The following ADARB2 variants were observed in gnomAD, a reference collection of about 807,000 sequenced individuals.
The protein encoded by ADARB2 is adenosine deaminase RNA specific B2 (inactive).
ADARB2 carries 25 observed loss-of-function variants against 62.2 expected under a neutral mutation model. That is an observed-to-expected ratio of 0.40 (90% confidence interval 0.29 to 0.56). The LOEUF is 0.56. Ranked by LOEUF, ADARB2 falls within the 20% of genes least tolerant of loss-of-function variation. The probability of loss-of-function intolerance (pLI) is 0.43; values close to 1 mark genes in which losing one functional copy is unlikely to be tolerated. For synonymous variants in ADARB2, 572 were observed against 500.8 expected, an observed-to-expected ratio of 1.14 and a Z score of -1.90; for missense variants, 1,071 against 1,077.4, an observed-to-expected ratio of 0.99 and a Z score of 0.08.
At chr10:1,562,771 A>G (rs542749667) in intron 1 of ADARB2, among the ~76,000 whole-genome samples, 4 of 152,344 alleles carry the variant, frequency 2.6e-5, no homozygotes, top group African/African-American at 9.6e-5. Context: ...CACGTTCTTC[A>G]GTAGGACAGC....
intron 3 of ADARB2, among the ~76,000 whole-genome samples, chr10:1,284,868 T>G (rs1209928747): frequency 6.6e-6 from 1 of 152,072 alleles, no homozygotes; most frequent in Non-Finnish European, 1.5e-5. Flanking sequence ...AGGTGGGCCT[T>G]AGAGACCCTC....
chr10:1,391,271 C>G (rs1588241922), intron 1 of ADARB2, among the ~76,000 whole-genome samples: 2 of 152,226 alleles, frequency 1.3e-5, no homozygotes, highest in East Asian at 3.9e-4. Flanking sequence ...GACTGTGACC[C>G]CCCCATAGTG....
chr10:1,461,877 C>T (rs1831178635), intron 1 of ADARB2, among the ~76,000 whole-genome samples: 1 of 152,030 alleles, frequency 6.6e-6, no homozygotes, highest in Admixed American at 6.6e-5. Flanking sequence ...TGGCATGCAC[C>T]TGTGATTTCA....
At chr10:1,557,081 C>T (rs1000583948) in intron 1 of ADARB2, 6 of 350,554 alleles carry the variant, frequency 1.7e-5, no homozygotes, top group Non-Finnish European at 2.8e-5. Context: ...ATCCCACTGT[C>T]CGAGGGTACC....
At chr10:1,562,689 A>T (rs967423110) in intron 1 of ADARB2, among the ~76,000 whole-genome samples, 1 of 152,208 alleles carries the variant, frequency 6.6e-6, no homozygotes, top group Non-Finnish European at 1.5e-5. Flanking sequence ...ATTGGGCTAG[A>T]CCTGAATTCA....
At chr10:1,561,616 G>T (rs1456354103) in intron 1 of ADARB2, among the ~76,000 whole-genome samples, 4 of 152,108 alleles carry the variant, frequency 2.6e-5, no homozygotes, top group African/African-American at 9.7e-5. Flanking sequence ...GCCGGAACCT[G>T]CCAGTCCACC....
chr10:1,431,731 A>G (rs1258485125), intron 1 of ADARB2, among the ~76,000 whole-genome samples: 1 of 152,214 alleles, frequency 6.6e-6, no homozygotes, highest in African/African-American at 2.4e-5. Flanking sequence ...ATACACAAAG[A>G]GAGAAATACA....
chr10:1,307,690 A>T (rs1483513439), intron 3 of ADARB2, among the ~76,000 whole-genome samples: 1 of 96,956 alleles, frequency 1.0e-5, no homozygotes, highest in Non-Finnish European at 2.0e-5. Flanking sequence ...CAAATGTCCA[A>T]TAATGATAGA....
chr10:1,643,411 G>A (rs1269201942), intron 1 of ADARB2, among the ~76,000 whole-genome samples: 1 of 152,176 alleles, frequency 6.6e-6, no homozygotes. Flanking sequence ...TACACTTGAC[G>A]TGTTACATTT....
chr10:1,407,391 C>T (rs1002443470), intron 1 of ADARB2, among the ~76,000 whole-genome samples: 6 of 152,206 alleles, frequency 3.9e-5, no homozygotes, highest in East Asian at 3.9e-4. Flanking sequence ...GAGGGTACAA[C>T]GGCCGGGGTG....
At chr10:1,463,003 T>G in intron 1 of ADARB2, among the ~76,000 whole-genome samples, 1 of 150,240 alleles carries the variant, frequency 6.7e-6, no homozygotes. Context: ...GGAAAGTACG[T>G]TTCTGGGGTT....
rs1219909213 is a variant in ADARB2, at chr10:1,568,314, GA to G, written c.100+168736del. ...CGCTCAGCGGGGAGGCGGAGGGAAG[GA>G]AGGGCTCCTGCACCAGCAGCACAGA... On this transcript the variant is annotated intron_variant, in intron 1 of 9. Transcript: ENST00000381312. Among the ~76,000 whole-genome samples the G allele has an allele frequency of 2.6e-5, 4 of 152,140 alleles. No homozygotes were observed. In the East Asian group the frequency reaches 7.7e-4, roughly 29 times the overall value.
At chr10:1,222,583 A>G (rs867152001) in intron 6 of ADARB2, among the ~76,000 whole-genome samples, 3 of 148,868 alleles carry the variant, frequency 2.0e-5, no homozygotes, top group East Asian at 1.9e-4. Context: ...ATCTTGAATT[A>G]ATTTTTGTAT....
chr10:1,300,050 C>T (rs1445032341), intron 3 of ADARB2, among the ~76,000 whole-genome samples: 1 of 152,166 alleles, frequency 6.6e-6, no homozygotes, highest in Non-Finnish European at 1.5e-5. Flanking sequence ...TGGCCGTACC[C>T]ACCACACTTG....
At chr10:1,347,963 CAGACAGAGACGG>C (rs904212847) in intron 3 of ADARB2, among the ~76,000 whole-genome samples, 8 of 151,618 alleles carry the variant, frequency 5.3e-5, no homozygotes, top group African/African-American at 1.9e-4. Context: ...TGGAGAGAGA[CAGACAGAGACGG>C]AGACAGAGAG....
intron 3 of ADARB2, among the ~76,000 whole-genome samples, chr10:1,287,557 A>G (rs141516194): frequency 4.6e-5 from 7 of 152,106 alleles, no homozygotes; most frequent in African/African-American, 1.2e-4. Flanking sequence ...TCTCCTCTCC[A>G]TTTCCGTGAG....
intron 1 of ADARB2, among the ~76,000 whole-genome samples, chr10:1,711,666 T>G (rs576764100): frequency 6.6e-6 from 1 of 152,348 alleles, no homozygotes; most frequent in African/African-American, 2.4e-5. Flanking sequence ...TCTTGTATGA[T>G]AGCTTCCAAC....
intron 2 of ADARB2, among the ~76,000 whole-genome samples, chr10:1,376,079 T>A (rs1206922708): frequency 6.6e-6 from 1 of 151,090 alleles, no homozygotes; most frequent in East Asian, 2.0e-4. Flanking sequence ...TGAACACACA[T>A]CACGACACAC....
At chr10:1,451,028 GA>G (rs556787119) in intron 1 of ADARB2, among the ~76,000 whole-genome samples, 2 of 152,232 alleles carry the variant, frequency 1.3e-5, no homozygotes, top group Non-Finnish European at 2.9e-5. Flanking sequence ...GTGCAAGCCA[GA>G]AACACAGAGA....
Sources: gnomAD v4.1 joint callset for allele counts (sites outside exome capture counted in the v4.1 genomes callset) on GRCh38, gnomAD v4.1.1 for gene constraint, MANE v1.5 for transcripts, NCBI Gene and HGNC (gene_info 2026-07-23, HGNC 2026-07-21) for gene names.